NRXN1: variants seen among roughly 807,000 people sequenced by gnomAD.
NRXN1 encodes the protein neurexin-1.
A neutral mutation model predicts 150.9 loss-of-function variants in NRXN1; 39 were observed. The ratio of observed to expected loss-of-function variants is 0.26; its 90% CI spans 0.20 to 0.34. NRXN1 has a LOEUF of 0.34. Among genes scored for constraint, NRXN1 ranks in the 10% least tolerant of loss-of-function variants. The probability of loss-of-function intolerance (pLI) is 1.00; values close to 1 mark genes in which losing one functional copy is unlikely to be tolerated. For missense variants in NRXN1, 1,815 were observed against 1,949.9 expected, an observed-to-expected ratio of 0.93 and a Z score of 1.30; for synonymous variants, 924 against 757.0, an observed-to-expected ratio of 1.22 and a Z score of -3.62.
intron 17 of NRXN1, among the ~76,000 whole-genome samples, chr2:50,239,670 A>G (rs2065812836): frequency 8.2e-5 from 2 of 24,318 alleles, no homozygotes; most frequent in African/African-American, 2.1e-4. Context: ...CAGTATATAT[A>G]TATATATATA....
intron 17 of NRXN1, among the ~76,000 whole-genome samples, chr2:50,404,425 T>TA (rs2082609645): frequency 6.6e-6 from 1 of 152,254 alleles, no homozygotes; most frequent in South Asian, 2.1e-4. Context: ...GGAAACCCAC[T>TA]GAGTTTTTAG....
At chr2:50,554,370 A>C (rs1486826947) in intron 8 of NRXN1, 1 of 152,164 alleles carries the variant, frequency 6.6e-6, no homozygotes, top group African/African-American at 2.4e-5. Flanking sequence ...GGATTTGTTA[A>C]TGAATACTTT....
At chr2:50,080,406 C>A (rs1354362026) in intron 19 of NRXN1, among the ~76,000 whole-genome samples, 2 of 152,040 alleles carry the variant, frequency 1.3e-5, no homozygotes, top group African/African-American at 4.8e-5. Context: ...TTTCTGGCAT[C>A]CAATGAGAGT....
chr2:50,630,558 G>A (rs1052582038), intron 5 of NRXN1, among the ~76,000 whole-genome samples: 7 of 151,622 alleles, frequency 4.6e-5, no homozygotes, highest in African/African-American at 1.2e-4. Context: ...GGATGCCTGC[G>A]GGCAGAACGA....
intron 5 of NRXN1, among the ~76,000 whole-genome samples, chr2:50,884,653 A>G (rs1376594271): frequency 6.6e-6 from 1 of 151,374 alleles, no homozygotes; most frequent in Non-Finnish European, 1.5e-5. Context: ...AAAGTGTAGT[A>G]ATATCTACAC....
chr2:50,765,521 G>A (rs1702281933), intron 5 of NRXN1, among the ~76,000 whole-genome samples: 1 of 152,064 alleles, frequency 6.6e-6, no homozygotes, highest in Admixed American at 6.6e-5. Context: ...CAGCTAAACA[G>A]TGCGTTGGTA....
intron 5 of NRXN1, among the ~76,000 whole-genome samples, chr2:50,741,118 T>TA (rs952553078): frequency 1.3e-5 from 2 of 152,054 alleles, no homozygotes; most frequent in African/African-American, 2.4e-5. Context: ...CAATATTAAT[T>TA]AAAAAAAGAT....
chr2:50,571,652 C>A (rs1305264975), intron 8 of NRXN1, among the ~76,000 whole-genome samples: 1 of 150,690 alleles, frequency 6.6e-6, no homozygotes, highest in African/African-American at 2.5e-5. Context: ...TTTTGGGGGA[C>A]AAATAATATT....
At chr2:50,625,440 T>C (rs910931104) in intron 5 of NRXN1, among the ~76,000 whole-genome samples, 3 of 152,054 alleles carry the variant, frequency 2.0e-5, no homozygotes, top group African/African-American at 7.2e-5. Flanking sequence ...CCTCCCAATC[T>C]GTAATAGTGA....
intron 21 of NRXN1, among the ~76,000 whole-genome samples, chr2:49,976,626 A>C (rs1307033188): frequency 6.6e-6 from 1 of 152,172 alleles, no homozygotes; most frequent in Non-Finnish European, 1.5e-5. Context: ...TTTCATGTAA[A>C]GAAAATAGTG....
chr2:50,134,159 A>G (rs138650215), intron 18 of NRXN1, among the ~76,000 whole-genome samples: 2 of 152,064 alleles, frequency 1.3e-5, no homozygotes, highest in East Asian at 1.9e-4. Context: ...GTAAAGGAAT[A>G]TAACTATAGA....
intron 5 of NRXN1, among the ~76,000 whole-genome samples, chr2:50,662,973 C>G (rs1344830077): frequency 1.3e-5 from 2 of 152,000 alleles, no homozygotes; most frequent in Admixed American, 1.3e-4. Context: ...TCCAGAAAGC[C>G]TAATTTTTAA....
chr2:49,977,658 G>C (rs911704431), intron 21 of NRXN1, among the ~76,000 whole-genome samples: 1 of 152,088 alleles, frequency 6.6e-6, no homozygotes, highest in Non-Finnish European at 1.5e-5. Context: ...TGAAGAGATG[G>C]GAGGACAACT....
intron 21 of NRXN1, among the ~76,000 whole-genome samples, chr2:50,031,828 G>A (rs1441791877): frequency 6.6e-6 from 1 of 152,008 alleles, no homozygotes; most frequent in African/African-American, 2.4e-5. Flanking sequence ...GATAAATCTA[G>A]TTCTCAGCCC....
intron 13 of NRXN1, 93 bp downstream of exon 13, chr2:50,506,402 G>A (rs2092223126): frequency 2.6e-6 from 3 of 1,151,828 alleles, no homozygotes; most frequent in Non-Finnish European, 3.6e-6. Context: ...TACATTTCAA[G>A]TTGTGTACCA....
chr2:50,110,245 C>T (rs533093090), intron 18 of NRXN1, among the ~76,000 whole-genome samples: 570 of 152,098 alleles, frequency 3.7e-3, no homozygotes, highest in Non-Finnish European at 6.9e-3. Flanking sequence ...AATCCCAGCA[C>T]TTTGGGAGGC....
intron 16 of NRXN1, among the ~76,000 whole-genome samples, chr2:50,466,197 T>C (rs1373792902): frequency 6.6e-6 from 1 of 151,700 alleles, no homozygotes; most frequent in Non-Finnish European, 1.5e-5. Context: ...TAAAGAATCA[T>C]AACTAGAACA....
chr2:50,020,882 TTGAG>T (rs1687463777), intron 21 of NRXN1, among the ~76,000 whole-genome samples: 1 of 152,192 alleles, frequency 6.6e-6, no homozygotes. Context: ...CTTTCTACTT[TTGAG>T]TAACTATAAT....
chr2:50,061,713 T>C (rs999922839), intron 19 of NRXN1, among the ~76,000 whole-genome samples: 1 of 152,182 alleles, frequency 6.6e-6, no homozygotes, highest in African/African-American at 2.4e-5. Flanking sequence ...AGTTAAAAGA[T>C]AACAATTTAG....
Sources: allele counts gnomAD v4.1 joint callset (sites outside exome capture counted in the v4.1 genomes callset), GRCh38; gene constraint gnomAD v4.1.1; transcripts MANE v1.5; gene names NCBI Gene and HGNC (gene_info 2026-07-23, HGNC 2026-07-21).